Variants in SGCZ observed in about 807,000 individuals in gnomAD.
SGCZ encodes the protein zeta-sarcoglycan.
Under a neutral mutation model 41.3 loss-of-function variants are expected in SGCZ, and 40 were observed. That is an observed-to-expected ratio of 0.97 (90% CI 0.75 to 1.26). The LOEUF (loss-of-function observed/expected upper bound fraction) is 1.26, where lower values mean the gene tolerates loss of function less well. Ranked by LOEUF, SGCZ falls within the 50% of genes most tolerant of loss-of-function variation. The probability of loss-of-function intolerance (pLI) is 0.00; values close to 1 mark genes in which losing one functional copy is unlikely to be tolerated. For missense variants in SGCZ, 552 were observed against 369.8 expected (o/e 1.49, Z -4.04); for synonymous variants, 206 against 137.5 (o/e 1.50, Z -3.49).
At chr8:15,005,625 C>T (rs550414942) in intron 1 of SGCZ, among the ~76,000 whole-genome samples, 22 of 135,534 alleles carry the variant, frequency 1.6e-4, no homozygotes, top group African/African-American at 5.5e-4. Context: ...AGCCACTGCA[C>T]CCGGCAATCC....
intron 1 of SGCZ, among the ~76,000 whole-genome samples, chr8:14,630,771 A>T (rs1250257615): frequency 6.0e-5 from 9 of 150,986 alleles, no homozygotes; most frequent in Non-Finnish European, 1.3e-4. Context: ...TGTCACAAGG[A>T]CGGAAAACCA....
At chr8:14,140,959 G>A (rs185485962) in intron 5 of SGCZ, among the ~76,000 whole-genome samples, 1 of 152,184 alleles carries the variant, frequency 6.6e-6, no homozygotes, top group East Asian at 1.9e-4. Context: ...GCATGTTACT[G>A]GTACCAAAAC....
chr8:14,365,726 A>T (rs942151080), intron 2 of SGCZ, among the ~76,000 whole-genome samples: 6 of 152,152 alleles, frequency 3.9e-5, no homozygotes, highest in African/African-American at 1.4e-4. Flanking sequence ...CTTAAGGCTT[A>T]ACAGGGATTG....
chr8:14,804,583 A>T (rs1290191566), intron 1 of SGCZ, among the ~76,000 whole-genome samples: 2 of 141,018 alleles, frequency 1.4e-5, no homozygotes, highest in African/African-American at 5.1e-5. Context: ...ACTATGTGAA[A>T]AGACCAAATC....
chr8:14,365,483 C>G (rs887269894), intron 2 of SGCZ, among the ~76,000 whole-genome samples: 2 of 151,982 alleles, frequency 1.3e-5, no homozygotes, highest in Non-Finnish European at 2.9e-5. Context: ...CAGTTTTGTT[C>G]ATTGATTTCC....
At chr8:15,058,637 G>A (rs965597922) in intron 1 of SGCZ, among the ~76,000 whole-genome samples, 1 of 152,042 alleles carries the variant, frequency 6.6e-6, no homozygotes, top group Non-Finnish European at 1.5e-5. Context: ...CTTTCCCCTG[G>A]AGCTCTTCTT....
chr8:15,088,117 T>C (rs961200097), intron 1 of SGCZ, among the ~76,000 whole-genome samples: 10 of 152,134 alleles, frequency 6.6e-5, no homozygotes, highest in African/African-American at 2.4e-4. Context: ...ATTTTCTGAG[T>C]ATTCATAGGC....
At chr8:14,788,190 AGTCTTCTATCTGTC>A (rs1800833170) in intron 1 of SGCZ, among the ~76,000 whole-genome samples, 1 of 152,178 alleles carries the variant, frequency 6.6e-6, no homozygotes, top group East Asian at 1.9e-4. Context: ...TAAAGGACTA[AGTCTTCTATCTGTC>A]AAGGTCTCTA....
intron 2 of SGCZ, among the ~76,000 whole-genome samples, chr8:14,545,984 A>G (rs1413145126): frequency 6.6e-6 from 1 of 152,154 alleles, no homozygotes; most frequent in Non-Finnish European, 1.5e-5. Context: ...AAATGACTGA[A>G]TTTTTCTTTA....
chr8:14,792,222 C>T lies in SGCZ; in HGVS notation c.40-237296G>A, dbSNP rs546183090. Reference sequence around the variant, plus strand: ...TCACAATATATAACATAAAGTTTTACGGTTATAACATATGTGATTATAAAC... The same window carrying T: ...TCACAATATATAACATAAAGTTTTATGGTTATAACATATGTGATTATAAAC... On this transcript the variant is annotated intron_variant, in intron 1 of 7. Coordinates refer to ENST00000382080, the MANE Select transcript of SGCZ (RefSeq NM_139167.4). Among the ~76,000 whole-genome samples, 21 of 152,230 alleles carry T rather than the reference C, an allele frequency of 1.4e-4. No homozygotes were observed. The South Asian group carries it at 3.3e-3, about 24-fold the overall frequency.
chr8:14,377,680 TC>T (rs1264629035), intron 2 of SGCZ, among the ~76,000 whole-genome samples: 2 of 134,568 alleles, frequency 1.5e-5, no homozygotes, highest in African/African-American at 2.8e-5. Context: ...CCCTCCCCAC[TC>T]CCCCCACCCC....
At chr8:15,185,363 C>G (rs984964695) in intron 1 of SGCZ, among the ~76,000 whole-genome samples, 1 of 152,114 alleles carries the variant, frequency 6.6e-6, no homozygotes, top group African/African-American at 2.4e-5. Context: ...ATAATTAGTT[C>G]CACCAAAATA....
At chr8:14,178,478 G>A (rs1425001608) in intron 4 of SGCZ, among the ~76,000 whole-genome samples, 2 of 152,208 alleles carry the variant, frequency 1.3e-5, no homozygotes, top group South Asian at 2.1e-4. Flanking sequence ...AGATCCAGCT[G>A]TCTTTTATAA....
At chr8:14,998,399 G>A (rs13270347) in intron 1 of SGCZ, among the ~76,000 whole-genome samples, 51,479 of 151,988 alleles carry the variant, frequency 0.34, 9,095 homozygotes, top group South Asian at 0.38. Context: ...ATATAATTTA[G>A]TTTATATATA....
intron 1 of SGCZ, among the ~76,000 whole-genome samples, chr8:14,675,629 T>A (rs985940720): frequency 6.6e-6 from 1 of 152,060 alleles, no homozygotes; most frequent in Non-Finnish European, 1.5e-5. Flanking sequence ...CTTGCCCAGG[T>A]GCTGGAAAAA....
chr8:14,479,742 T>TTTTC (rs1482868956), intron 2 of SGCZ, among the ~76,000 whole-genome samples: 6 of 22,364 alleles, frequency 2.7e-4, no homozygotes, highest in South Asian at 1.4e-3. Flanking sequence ...TTTTTTTTTT[T>TTTTC]TTTTTTTTTT....
At chr8:14,121,701 A>G (rs1455959630) in intron 5 of SGCZ, among the ~76,000 whole-genome samples, 2 of 152,302 alleles carry the variant, frequency 1.3e-5, no homozygotes, top group East Asian at 3.9e-4. Context: ...TTTCTCTAAT[A>G]GAGTAACATT....
At chr8:15,140,694 A>T (rs1310524194) in intron 1 of SGCZ, among the ~76,000 whole-genome samples, 2 of 152,026 alleles carry the variant, frequency 1.3e-5, no homozygotes, top group Non-Finnish European at 1.5e-5. Context: ...CCTGTCTATA[A>T]TATTTGTCTC....
chr8:14,862,581 T>TATATAC (rs775585451), intron 1 of SGCZ, among the ~76,000 whole-genome samples: 76 of 96,872 alleles, frequency 7.8e-4, no homozygotes, highest in South Asian at 1.0e-3. Context: ...TATATATATA[T>TATATAC]ACACACACAA....
Sources: gnomAD v4.1 joint callset for allele counts (sites outside exome capture counted in the v4.1 genomes callset) on GRCh38, gnomAD v4.1.1 for gene constraint, MANE v1.5 for transcripts, NCBI Gene and HGNC (gene_info 2026-07-23, HGNC 2026-07-21) for gene names.